Variants in PTPRN2 observed in about 807,000 individuals in gnomAD.
PTPRN2 encodes protein tyrosine phosphatase receptor type N2.
Under a neutral mutation model 118.8 loss-of-function variants are expected in PTPRN2, and 74 were observed. The observed-to-expected ratio is 0.62, with a 90% CI of 0.52 to 0.76. PTPRN2 has a LOEUF of 0.76. Among genes scored for constraint, PTPRN2 ranks in the 30% least tolerant of loss-of-function variants. The pLI is 0.00. For missense variants in PTPRN2, 1,481 were observed against 1,394.4 expected, an observed-to-expected ratio of 1.06 and a Z score of -0.99; for synonymous variants, 641 against 608.0, an observed-to-expected ratio of 1.05 and a Z score of -0.80.
At chr7:158,396,795 G>T (rs1812553740) in intron 2 of PTPRN2, among the ~76,000 whole-genome samples, 1 of 152,234 alleles carries the variant, frequency 6.6e-6, no homozygotes, top group Admixed American at 6.5e-5. Flanking sequence ...GGTCTGTCCT[G>T]TTTTGCCACA....
chr7:158,295,722 C>A (rs192518487), intron 3 of PTPRN2, among the ~76,000 whole-genome samples: 15 of 150,476 alleles, frequency 1.0e-4, no homozygotes, highest in Admixed American at 2.6e-4. Context: ...GGGTCTAAGC[C>A]CACGGTGCCT....
chr7:157,658,931 G>A (rs951944806), intron 13 of PTPRN2, among the ~76,000 whole-genome samples: 1 of 152,048 alleles, frequency 6.6e-6, no homozygotes, highest in African/African-American at 2.4e-5. Flanking sequence ...ACAGCCGTGT[G>A]CGTCAAAGGC....
At chr7:158,189,735 C>T (rs995201022) in intron 5 of PTPRN2, among the ~76,000 whole-genome samples, 1 of 152,242 alleles carries the variant, frequency 6.6e-6, no homozygotes, top group Non-Finnish European at 1.5e-5. Context: ...TCACTTCCAG[C>T]GTCTGGGGAC....
chr7:158,312,304 TCA>T (rs551253032), intron 3 of PTPRN2, among the ~76,000 whole-genome samples: 3 of 17,976 alleles, frequency 1.7e-4, no homozygotes, highest in African/African-American at 2.6e-4. Flanking sequence ...ACACATGTGC[TCA>T]CACAGACACC....
chr7:157,569,055 G>C, intron 20 of PTPRN2, 89 bp from the exon 21 acceptor site: 1 of 1,230,294 alleles, frequency 8.1e-7, no homozygotes, highest in Non-Finnish European at 1.2e-6. Context: ...TTTCCTTCCT[G>C]CTTACGGGGG....
Position 158,003,885 on chromosome 7 carries a change from C to T in PTPRN2, c.1723+77413G>A, listed in dbSNP as rs539262393. ...CATCTATTAATTTCATCACTGTTGC[C>T]GACTTAATCAGCAAACTTCATTTAC... On this transcript the variant is annotated intron_variant, in intron 11 of 22. Transcript: ENST00000389418. This position sits in a 1 kb window ranked among gnomAD's most constrained non-coding sequence, Gnocchi z 5.0. 2.6e-5 allele frequency among the ~76,000 whole-genome samples: 4 copies of T among 152,242 alleles called. No homozygotes were observed. The highest frequency in any genetic ancestry group is 1.9e-4 in the East Asian group (1 of 5,176).
chr7:157,652,741 C>T (rs999667417), intron 14 of PTPRN2, among the ~76,000 whole-genome samples: 4 of 152,230 alleles, frequency 2.6e-5, no homozygotes, highest in Admixed American at 2.0e-4. Context: ...CCATGGATCC[C>T]CCCATCGGGG....
At chr7:157,955,671 G>A (rs760710168) in intron 11 of PTPRN2, among the ~76,000 whole-genome samples, 3 of 152,156 alleles carry the variant, frequency 2.0e-5, no homozygotes, top group African/African-American at 4.8e-5. Flanking sequence ...TAAGTGGCAG[G>A]GCACAGCTCA....
intron 2 of PTPRN2, among the ~76,000 whole-genome samples, chr7:158,341,224 C>A (rs1806697274): frequency 2.0e-5 from 3 of 151,162 alleles, no homozygotes; most frequent in South Asian, 4.2e-4. Flanking sequence ...TCATTCACAC[C>A]CACACTCTCA....
chr7:157,970,852 G>C (rs954333429), intron 11 of PTPRN2, among the ~76,000 whole-genome samples: 2 of 152,100 alleles, frequency 1.3e-5, no homozygotes, highest in African/African-American at 4.8e-5. Flanking sequence ...CAGTGCCCCT[G>C]ACACTCCCTG....
chr7:158,388,999 A>T (rs73729788), intron 2 of PTPRN2, among the ~76,000 whole-genome samples: 9,306 of 152,358 alleles, frequency 0.061, 1,001 homozygotes, highest in African/African-American at 0.21. Flanking sequence ...CGGACTGGCG[A>T]TTAGAACCTA....
At chr7:158,535,152 AGT>A (rs1203783729) in intron 1 of PTPRN2, among the ~76,000 whole-genome samples, 1 of 152,178 alleles carries the variant, frequency 6.6e-6, no homozygotes, top group Non-Finnish European at 1.5e-5. Flanking sequence ...AATCTAAGGA[AGT>A]GTTGAAGTTC....
intron 1 of PTPRN2, among the ~76,000 whole-genome samples, chr7:158,521,273 A>T (rs1233025939): frequency 6.6e-6 from 1 of 152,180 alleles, no homozygotes; most frequent in Non-Finnish European, 1.5e-5. Flanking sequence ...GCCCAAAGGG[A>T]CCTGAGAAAA....
intron 2 of PTPRN2, among the ~76,000 whole-genome samples, chr7:158,351,830 G>A (rs1807961930): frequency 6.6e-6 from 1 of 151,994 alleles, no homozygotes; most frequent in Non-Finnish European, 1.5e-5. Flanking sequence ...AGGAAGTACT[G>A]AGAAGAAAGT....
rs375460802 is a variant in PTPRN2 at position 158,131,690 on chromosome 7, A to G, written c.1556+1987T>C. On this transcript the variant is annotated intron_variant, in intron 9 of 22. Coordinates refer to ENST00000389418, the MANE Select transcript of PTPRN2 (RefSeq NM_002847.5). ...ATACACATCTACCCGACACACACTC[A>G]TACACACATGCAAATATGCACAGAT... Among the ~76,000 whole-genome samples the G allele has an allele frequency of 7.0e-3, 1,032 of 146,518 alleles. 11 individuals are homozygous for G. Among genetic ancestry groups the G allele is most frequent in the African/African-American group, 0.018 (698 of 38,732 alleles).
Position 158,153,332 on chromosome 7 carries a change from T to C in PTPRN2, c.910+13599A>G, listed in dbSNP as rs545332415. On this transcript the variant is annotated intron_variant, in intron 6 of 22. Transcript: ENST00000389418. ...CAAGAACCCAGCATTCAGAAAGCCC[T>C]CTGTCCTTGTGATAAGGAAGGGGTC... Among the ~76,000 whole-genome samples, 17 of 152,320 alleles carry C rather than the reference T, an allele frequency of 1.1e-4. 1 individual carries two copies. Among genetic ancestry groups the C allele is most frequent in the Admixed American group, 9.8e-4 (15 of 15,300 alleles).
At chr7:157,939,753 GTTTGCCTAGCAGTTGGT>G (rs1480882105) in intron 11 of PTPRN2, among the ~76,000 whole-genome samples, 1 of 152,218 alleles carries the variant, frequency 6.6e-6, no homozygotes, top group Non-Finnish European at 1.5e-5. Flanking sequence ...TTTAAGATGT[GTTTGCCTAGCAGTTGGT>G]TTTGCTAGGC....
chr7:158,052,814 G>C (rs1003615776), intron 11 of PTPRN2, among the ~76,000 whole-genome samples: 1 of 152,182 alleles, frequency 6.6e-6, no homozygotes, highest in Non-Finnish European at 1.5e-5. Flanking sequence ...GAGACACCTG[G>C]CCACAGTTCC....
intron 18 of PTPRN2, 65 bp downstream of exon 18, chr7:157,577,956 G>T (rs564743895): frequency 1.5e-4 from 216 of 1,475,570 alleles, no homozygotes; most frequent in Non-Finnish European, 1.9e-4. Flanking sequence ...CCCATTCGGA[G>T]GAGGAGCAGG....
Sources: allele counts gnomAD v4.1 joint callset (sites outside exome capture counted in the v4.1 genomes callset), GRCh38; gene constraint gnomAD v4.1.1; non-coding constraint Gnocchi (gnomAD v3.1); transcripts MANE v1.5; gene names NCBI Gene and HGNC (gene_info 2026-07-23, HGNC 2026-07-21).